Variants in FOXN4 observed in about 807,000 individuals in gnomAD.
The protein encoded by FOXN4 is forkhead box N4, also known as forkhead box protein N4.
FOXN4 carries 12 observed loss-of-function variants against 45.0 expected under a neutral mutation model. The ratio of observed to expected loss-of-function variants is 0.27; its 90% CI spans 0.17 to 0.43. The LOEUF is 0.43. Among genes scored for constraint, FOXN4 ranks in the 20% least tolerant of loss-of-function variants. The pLI, the probability that FOXN4 is intolerant of heterozygous loss-of-function variation, is 1.00. For synonymous variants in FOXN4, 297 were observed against 295.0 expected (o/e 1.01, Z -0.07); for missense variants, 560 against 694.9 (o/e 0.81, Z 2.18).
chr12:109,280,342 CAAAAAAAAAAA>C (rs34879457), intron 9 of FOXN4, among the ~76,000 whole-genome samples: 5 of 53,534 alleles, frequency 9.3e-5, no homozygotes, highest in Admixed American at 7.2e-4. Flanking sequence ...GACTCCACCT[CAAAAAAAAAAA>C]AAAAAAAAAA....
At position 109,287,834 on chromosome 12, in the gene FOXN4, C is replaced by T. The variant is rs1018858426; in HGVS notation, c.468+10G>A. Reference sequence around the variant, plus strand: ...CTGCTCAGTCCAGGGCTCCCCTGAGCCCTTGGTACCTGCTGGGCACCCGGG... The same window carrying T: ...CTGCTCAGTCCAGGGCTCCCCTGAGTCCTTGGTACCTGCTGGGCACCCGGG... On this transcript the variant is annotated intron_variant, in intron 5 of 9. Coordinates refer to ENST00000299162, the MANE Select transcript of FOXN4 (RefSeq NM_213596.3). This position sits in a 1 kb window ranked among gnomAD's most constrained non-coding sequence, Gnocchi z 4.1. 6.5e-7 allele frequency: 1 copy of T among 1,546,794 alleles called. No individual in the cohort carries two copies. Among genetic ancestry groups the T allele is most frequent in the Non-Finnish European group, 8.7e-7 (1 of 1,145,900 alleles).
intron 2 of FOXN4, among the ~76,000 whole-genome samples, chr12:109,306,665 A>ATTT (rs2047924489): frequency 6.6e-6 from 1 of 152,206 alleles, no homozygotes; most frequent in South Asian, 2.1e-4. Flanking sequence ...TCACAGGTGA[A>ATTT]TCTGCTCATA....
rs1403786324 is a variant in FOXN4, at chr12:109,305,852, G to A, written c.86+2384C>T. 2.6e-5 allele frequency among the ~76,000 whole-genome samples: 4 copies of A among 152,154 alleles called. No homozygotes were observed. The East Asian group carries it at 7.7e-4, about 29-fold the overall frequency. On this transcript the variant is annotated intron_variant, in intron 2 of 9. Transcript: ENST00000299162. ...GGGCACCTCTGGATCCAGTGCTGAT[G>A]GGAACAGGCCTGCTTCTCCTCCCCA...
At chr12:109,294,080 T>C (rs1473609405) in intron 2 of FOXN4, among the ~76,000 whole-genome samples, 1 of 152,136 alleles carries the variant, frequency 6.6e-6, no homozygotes, top group East Asian at 1.9e-4. Context: ...TCAGACGTCT[T>C]CCGGGGGAGA....
chr12:109,283,971 T>G (rs779940604), intron 8 of FOXN4, among the ~76,000 whole-genome samples: 3 of 152,254 alleles, frequency 2.0e-5, no homozygotes, highest in African/African-American at 4.8e-5. Context: ...CTCTTCACAG[T>G]ACACATCATC....
chr12:109,304,221 G>GAGAAAGAAAGAAAGAAAGAAAGAA (rs58280775), intron 2 of FOXN4, among the ~76,000 whole-genome samples: 69 of 82,530 alleles, frequency 8.4e-4, no homozygotes, highest in East Asian at 2.9e-3. Flanking sequence ...AGAAAAGAAA[G>GAGAAAGAAAGAAAGAAAGAAAGAA]AGAAAGAAAG....
intron 2 of FOXN4, among the ~76,000 whole-genome samples, chr12:109,302,301 G>T (rs1043868494): frequency 4.6e-5 from 7 of 152,228 alleles, no homozygotes; most frequent in African/African-American, 1.7e-4. Flanking sequence ...CCTGGCAGGT[G>T]CCCACACAGG....
rs191712451 is a variant in FOXN4 at position 109,300,685 on chromosome 12, G to A, written c.86+7551C>T. Among the ~76,000 whole-genome samples the A allele has an allele frequency of 5.2e-3, 795 of 152,284 alleles. 4 individuals are homozygous for A. Among genetic ancestry groups the A allele is most frequent in the South Asian group, 0.012 (59 of 4,816 alleles). ...GCGCTTTGGGAGGCTGATGCAGGAG[G>A]ATCACTTGAGGCCAGGAGTTCAAGA... On this transcript the variant is annotated intron_variant, in intron 2 of 9. Transcript: ENST00000299162.
intron 2 of FOXN4, among the ~76,000 whole-genome samples, chr12:109,292,404 C>T (rs183501506): frequency 2.4e-4 from 36 of 152,258 alleles, no homozygotes; most frequent in Non-Finnish European, 4.9e-4. Flanking sequence ...AGGCAGTACT[C>T]GTGGTGGTTA....
At chr12:109,285,770 C>G (rs1420854782) in intron 7 of FOXN4, among the ~76,000 whole-genome samples, 1 of 152,070 alleles carries the variant, frequency 6.6e-6, no homozygotes, top group East Asian at 1.9e-4. Context: ...GCCTGGCCTG[C>G]TGGATCTTCC....
chr12:109,283,383 G>T (rs1175664084), intron 8 of FOXN4, among the ~76,000 whole-genome samples: 1 of 152,042 alleles, frequency 6.6e-6, no homozygotes, highest in Non-Finnish European at 1.5e-5. Context: ...ATTTTTGGGA[G>T]GGAAGTGAAT....
chr12:109,304,283 GAAA>G (rs1566005667), intron 2 of FOXN4, among the ~76,000 whole-genome samples: 77 of 55,892 alleles, frequency 1.4e-3, no homozygotes, highest in South Asian at 4.1e-3. Flanking sequence ...AAGAAAGAAA[GAAA>G]GAAAGAAAGG....
rs769830318 is a variant in FOXN4, at chr12:109,285,296, G to A, written c.901+8C>T. The A allele has an allele frequency of 1.9e-6, 3 of 1,597,646 alleles. No individual in the cohort carries two copies. Among genetic ancestry groups the A allele is most frequent in the Non-Finnish European group, 2.6e-6 (3 of 1,172,680 alleles). On this transcript the variant is annotated splice_region_variant and intron_variant, in intron 8 of 9. Coordinates refer to ENST00000299162, the MANE Select transcript of FOXN4 (RefSeq NM_213596.3). ...GTGTGCGCGCACTGCGGGCTGTCCGGCCCTCACCAGGGTTGGCCATACTCC... is the reference window on the plus strand; with the variant it reads ...GTGTGCGCGCACTGCGGGCTGTCCGACCCTCACCAGGGTTGGCCATACTCC...
At chr12:109,292,064 G>A (rs973914534) in intron 2 of FOXN4, among the ~76,000 whole-genome samples, 1 of 152,214 alleles carries the variant, frequency 6.6e-6, no homozygotes, top group Non-Finnish European at 1.5e-5. Context: ...ACGGGGTGAG[G>A]TGCAGGGGCA....
rs146413072 is a variant in FOXN4, at chr12:109,286,760, GGGGCA to G, written c.597-21_597-17del. On this transcript the variant is annotated splice_polypyrimidine_tract_variant and intron_variant, in intron 6 of 9. Coordinates refer to ENST00000299162, the MANE Select transcript of FOXN4 (RefSeq NM_213596.3). ...GATCAGACAGCTGGGGGCAGGAGGT[GGGGCA>G]GGGCAGGGCAGGGCAGGACAGGGCA... is the stretch of plus-strand genomic sequence containing the variant. The G allele has an allele frequency of 7.5e-3, 11,968 of 1,600,450 alleles. 125 individuals carry two copies. The highest frequency in any genetic ancestry group is 0.048 in the African/African-American group (3,597 of 74,896).
chr12:109,279,806 G>A lies in FOXN4; in HGVS notation c.1419C>T (p.Asp473=). ...SGLTPASGGS[D]QSFPDLQVTG... ...TCACCTGCAAGTCTGGGAAGGACTG[G>A]TCGCTGCCACCCGAGGCAGGGGTTA... The change falls in exon 10 of 10, where the codon GAC becomes GAT. Residue 473 remains aspartate, a synonymous_variant. Coordinates refer to ENST00000299162, the MANE Select transcript of FOXN4 (RefSeq NM_213596.3). 1.2e-6 allele frequency: 2 copies of A among 1,611,532 alleles called. No individual in the cohort carries two copies. Among genetic ancestry groups the A allele is most frequent in the Non-Finnish European group, 1.7e-6 (2 of 1,178,830 alleles).
Position 109,281,520 on chromosome 12 carries a change from G to C in FOXN4, c.1181C>G (p.Pro394Arg). The change falls in exon 9 of 10, where the codon CCG becomes CGG. Residue 394 changes from proline (P) to arginine (R), a missense_variant. Coordinates refer to ENST00000299162, the MANE Select transcript of FOXN4 (RefSeq NM_213596.3). ...CCTTCCCATGGCGGGGTGGGGGAGCGGGCTGGGGCTGAGGTCCGGCAGGGC... is the reference window on the plus strand; with the variant it reads ...CCTTCCCATGGCGGGGTGGGGGAGCCGGCTGGGGCTGAGGTCCGGCAGGGC... ...LHALPDLSPS[P>R]LPHPAMGRAP... 6.2e-7 allele frequency: 1 copy of C among 1,613,842 alleles called. No homozygotes were observed. Among genetic ancestry groups the C allele is most frequent in the Non-Finnish European group, 8.5e-7 (1 of 1,179,822 alleles).
Position 109,285,294 on chromosome 12 carries a change from C to T in FOXN4, c.901+10G>A, listed in dbSNP as rs375637878. 9.0e-6 allele frequency: 14 copies of T among 1,553,480 alleles called. No homozygotes were observed. Among genetic ancestry groups the T allele is most frequent in the Middle Eastern group, 2.3e-4 (1 of 4,434 alleles). ...GTGTGTGCGCGCACTGCGGGCTGTC[C>T]GGCCCTCACCAGGGTTGGCCATACT... is the stretch of plus-strand genomic sequence containing the variant. On this transcript the variant is annotated intron_variant, in intron 8 of 9. Coordinates refer to ENST00000299162, the MANE Select transcript of FOXN4 (RefSeq NM_213596.3).
chr12:109,307,211 C>G (rs2047929032), intron 2 of FOXN4, among the ~76,000 whole-genome samples: 1 of 152,232 alleles, frequency 6.6e-6, no homozygotes, highest in Non-Finnish European at 1.5e-5. Flanking sequence ...AGCAGGCACT[C>G]CTGGTGAGTT....
Sources: allele counts gnomAD v4.1 joint callset (sites outside exome capture counted in the v4.1 genomes callset), GRCh38; gene constraint gnomAD v4.1.1; non-coding constraint Gnocchi (gnomAD v3.1); transcripts MANE v1.5; gene names NCBI Gene and HGNC (gene_info 2026-07-23, HGNC 2026-07-21).